Variants in CDKAL1 observed in about 807,000 individuals in gnomAD.
The protein encoded by CDKAL1 is CDKAL1 threonylcarbamoyladenosine tRNA methylthiotransferase, also known as threonylcarbamoyladenosine tRNA methylthiotransferase.
In CDKAL1, 32 loss-of-function variants were observed where a neutral mutation model predicts 68.2. The observed-to-expected ratio is 0.47, with a 90% CI of 0.35 to 0.63. The LOEUF (loss-of-function observed/expected upper bound fraction) is 0.63. CDKAL1 is among the 30% of genes least tolerant of loss of function. The pLI is 0.00. For synonymous variants in CDKAL1, 234 were observed against 244.3 expected (o/e 0.96, Z 0.39); for missense variants, 606 against 696.7 (o/e 0.87, Z 1.47).
At chr6:21,226,224 A>ACTGT (rs1562131254) in intron 15 of CDKAL1, among the ~76,000 whole-genome samples, 3 of 152,080 alleles carry the variant, frequency 2.0e-5, no homozygotes, top group Admixed American at 6.5e-5. Context: ...TATCATCCCA[A>ACTGT]CTGTCTGTAT....
At chr6:21,025,727 C>G (rs1014549733) in intron 11 of CDKAL1, among the ~76,000 whole-genome samples, 6 of 152,140 alleles carry the variant, frequency 3.9e-5, no homozygotes, top group African/African-American at 1.4e-4. Context: ...ACCTCTGCTA[C>G]TATTTCTAGC....
intron 9 of CDKAL1, among the ~76,000 whole-genome samples, chr6:20,882,308 T>A (rs1760864112): frequency 6.6e-6 from 1 of 152,196 alleles, no homozygotes; most frequent in African/African-American, 2.4e-5. Flanking sequence ...CCCTTTTAGC[T>A]CATACGCTTT....
chr6:21,201,076 TA>T lies in CDKAL1; in HGVS notation c.1384-29del, dbSNP rs889827112. 5 of 1,567,824 alleles carry T rather than the reference TA, an allele frequency of 3.2e-6. No individual in the cohort carries two copies. The African/African-American group carries it at 6.8e-5, about 21-fold the overall frequency. On this transcript the variant is annotated intron_variant, in intron 14 of 15. Transcript: ENST00000274695. ...TGTTCTAAAGTAAAATGTTTATTTT[TA>T]AAAATTAAGCCTCTGAAACAAATGT...
rs138787667 is a variant in CDKAL1 at position 20,579,258 on chromosome 6, T to C, written c.286+30553T>C. ...CCTCCCAAAGCACTGGGATTACAGA[T>C]GTGAGCCACTGAGCCCGGCAAAGTT... On this transcript the variant is annotated intron_variant, in intron 4 of 15. Transcript: ENST00000274695. Among the ~76,000 whole-genome samples, 379 of 152,172 alleles carry C rather than the reference T, an allele frequency of 2.5e-3. 1 individual carries two copies. Among genetic ancestry groups the C allele is most frequent in the African/African-American group, 8.8e-3 (364 of 41,524 alleles).
At chr6:20,950,145 G>A (rs1764452858) in intron 9 of CDKAL1, among the ~76,000 whole-genome samples, 1 of 152,098 alleles carries the variant, frequency 6.6e-6, no homozygotes. Flanking sequence ...GAAACAGCAT[G>A]GGCGTAAAGC....
At chr6:20,862,855 C>T (rs781748630) in intron 9 of CDKAL1, among the ~76,000 whole-genome samples, 13 of 152,034 alleles carry the variant, frequency 8.6e-5, no homozygotes, top group Admixed American at 3.3e-4. Flanking sequence ...GGAGAAACTC[C>T]GCCTCTACTA....
chr6:20,849,063 G>C (rs535373433), intron 9 of CDKAL1, among the ~76,000 whole-genome samples: 3 of 151,862 alleles, frequency 2.0e-5, no homozygotes, highest in African/African-American at 7.3e-5. Context: ...GGGATTACAG[G>C]TGTGAGCCAC....
At chr6:20,882,428 A>T (rs1180860991) in intron 9 of CDKAL1, among the ~76,000 whole-genome samples, 2 of 152,220 alleles carry the variant, frequency 1.3e-5, no homozygotes, top group Middle Eastern at 3.2e-3. Flanking sequence ...CTCCCATATC[A>T]TATAACACTT....
At chr6:20,893,588 T>C (rs1761524552) in intron 9 of CDKAL1, among the ~76,000 whole-genome samples, 1 of 152,208 alleles carries the variant, frequency 6.6e-6, no homozygotes, top group African/African-American at 2.4e-5. Flanking sequence ...TTTCTAAGGC[T>C]TTCTATCTGA....
intron 10 of CDKAL1, among the ~76,000 whole-genome samples, chr6:20,974,814 G>GCA (rs1765762040): frequency 4.0e-5 from 2 of 49,794 alleles, no homozygotes; most frequent in African/African-American, 1.2e-4. Flanking sequence ...CCCAGTCTCT[G>GCA]CAAAAAAAAA....
At chr6:21,158,467 G>T (rs1002587121) in intron 13 of CDKAL1, among the ~76,000 whole-genome samples, 1 of 152,200 alleles carries the variant, frequency 6.6e-6, no homozygotes, top group Admixed American at 6.5e-5. Flanking sequence ...TTGCCAGGGG[G>T]TGGGTTGGAG....
intron 11 of CDKAL1, among the ~76,000 whole-genome samples, chr6:21,007,233 G>A (rs1440499573): frequency 6.6e-6 from 1 of 152,076 alleles, no homozygotes; most frequent in African/African-American, 2.4e-5. Flanking sequence ...GAGTCCAGGA[G>A]TTCAAGAACA....
chr6:20,926,332 A>G (rs766674588), intron 9 of CDKAL1, among the ~76,000 whole-genome samples: 11 of 152,138 alleles, frequency 7.2e-5, no homozygotes, highest in East Asian at 3.8e-4. Context: ...AAGAGTTAAC[A>G]TTACTTTGGG....
intron 9 of CDKAL1, among the ~76,000 whole-genome samples, chr6:20,887,968 A>C (rs1452037970): frequency 6.6e-6 from 1 of 151,786 alleles, no homozygotes; most frequent in Non-Finnish European, 1.5e-5. Flanking sequence ...TTTTGGTGGA[A>C]CATAATTTCT....
chr6:20,609,358 CCTTCTTCTCCTTCTCCTT>C (rs1561963208), intron 4 of CDKAL1, among the ~76,000 whole-genome samples: 1 of 137,474 alleles, frequency 7.3e-6, no homozygotes, highest in Non-Finnish European at 1.5e-5. Context: ...CCTTCTCCTC[CCTTCTTCTCCTTCTCCTT>C]CTTCTTCTTC....
intron 4 of CDKAL1, among the ~76,000 whole-genome samples, chr6:20,598,582 G>T (rs944419910): frequency 6.6e-6 from 1 of 152,066 alleles, no homozygotes; most frequent in African/African-American, 2.4e-5. Flanking sequence ...CATAAATGAT[G>T]GCCTATTGAG....
intron 9 of CDKAL1, among the ~76,000 whole-genome samples, chr6:20,934,155 G>C (rs1763595580): frequency 6.6e-6 from 1 of 152,152 alleles, no homozygotes; most frequent in South Asian, 2.1e-4. Flanking sequence ...GGCATGGCTG[G>C]ATCTCCTTGA....
chr6:20,833,210 T>A (rs1376661748), intron 8 of CDKAL1, among the ~76,000 whole-genome samples: 2 of 152,164 alleles, frequency 1.3e-5, no homozygotes, highest in African/African-American at 4.8e-5. Flanking sequence ...GGTTCCAGCG[T>A]TAGTTTTTTG....
chr6:21,053,410 G>T (rs1293180700), intron 11 of CDKAL1, among the ~76,000 whole-genome samples: 1 of 152,194 alleles, frequency 6.6e-6, no homozygotes, highest in African/African-American at 2.4e-5. Context: ...GGGCAGTTAT[G>T]AAGATTGCTA....
Sources: gnomAD v4.1 joint callset for allele counts (sites outside exome capture counted in the v4.1 genomes callset) on GRCh38, gnomAD v4.1.1 for gene constraint, MANE v1.5 for transcripts, NCBI Gene and HGNC (gene_info 2026-07-23, HGNC 2026-07-21) for gene names.